The following USH2A variants were observed in gnomAD, a reference collection of about 807,000 sequenced individuals.
USH2A encodes the protein usherin, also known as Usher syndrome 2A (autosomal recessive, mild).
A neutral mutation model predicts 538.9 loss-of-function variants in USH2A; 443 were observed. That is an observed-to-expected ratio of 0.82 (90% CI 0.76 to 0.89). The LOEUF is 0.89. USH2A is among the 40% of genes least tolerant of loss of function. The pLI is 0.00. For synonymous variants in USH2A, 2,413 were observed against 2,273.5 expected, an observed-to-expected ratio of 1.06 and a Z score of -1.75; for missense variants, 6,633 against 6,324.8, an observed-to-expected ratio of 1.05 and a Z score of -1.65.
Position 215,629,002 on chromosome 1 carries a change from T to G in USH2A, c.15331A>C (p.Thr5111Pro). 6.2e-7 allele frequency: 1 copy of G among 1,613,554 alleles called. No homozygotes were observed. The highest frequency in any genetic ancestry group is 8.5e-7 in the Non-Finnish European group (1 of 1,180,032). ...LADTKIPRSGTPVSIRSNRSA... is the reference protein window; with the variant it reads ...LADTKIPRSGPPVSIRSNRSA... The stretch of plus-strand genomic sequence containing the variant: ...CGGTTGCTGCGGATACTCACAGGTG[T>G]CCCAGACCGGGGAATTTTGGTATCG... The change falls in exon 71 of 72, where the codon ACA (threonine) becomes CCA (proline). Residue 5111 changes from threonine (T) to proline (P), a missense_variant. Thr to Pro is a conservative substitution (Grantham distance 38). Transcript: ENST00000307340.
intron 61 of USH2A, among the ~76,000 whole-genome samples, chr1:215,712,975 T>G (rs1028816877): frequency 1.3e-5 from 2 of 151,982 alleles, no homozygotes; most frequent in Non-Finnish European, 2.9e-5. Context: ...CCCGGCTAAT[T>G]TGTGTATTTT....
At position 216,378,363 on chromosome 1, in the gene USH2A, A is replaced by T. The variant is rs1033668107; in HGVS notation, c.652-13278T>A. On this transcript the variant is annotated intron_variant, in intron 3 of 71. Coordinates refer to ENST00000307340, the MANE Select transcript of USH2A (RefSeq NM_206933.4). ...CAGCAATGGACATTTCTAAATTAGC[A>T]TCACTTCCATTCTATGTAAATATAA... 7.2e-5 allele frequency among the ~76,000 whole-genome samples: 11 copies of T among 152,198 alleles called. No homozygotes were observed. In the East Asian group the frequency reaches 2.1e-3, roughly 29 times the overall value.
intron 30 of USH2A, among the ~76,000 whole-genome samples, chr1:216,051,834 G>A (rs560287920): frequency 6.6e-6 from 1 of 152,316 alleles, no homozygotes; most frequent in South Asian, 2.1e-4. Flanking sequence ...CTCTATGATT[G>A]TACAATTTTA....
chr1:216,136,629 T>C (rs142812880), intron 21 of USH2A, among the ~76,000 whole-genome samples: 2 of 152,292 alleles, frequency 1.3e-5, no homozygotes, highest in African/African-American at 4.8e-5. Flanking sequence ...AATATGACCT[T>C]ATTTGGAAAT....
intron 27 of USH2A, among the ~76,000 whole-genome samples, chr1:216,075,718 C>T (rs919001526): frequency 6.6e-5 from 10 of 152,156 alleles, no homozygotes; most frequent in African/African-American, 2.4e-4. Flanking sequence ...TGATTATCCT[C>T]ATTGATCATT....
At chr1:215,827,754 G>T (rs138492598) in intron 47 of USH2A, among the ~76,000 whole-genome samples, 1,927 of 152,134 alleles carry the variant, frequency 0.013, 18 homozygotes, top group Non-Finnish European at 0.02. Flanking sequence ...GTCTACAATT[G>T]CCCATATTGG....
At chr1:215,742,744 A>G (rs73088870) in intron 59 of USH2A, among the ~76,000 whole-genome samples, 3,743 of 152,282 alleles carry the variant, frequency 0.025, 153 homozygotes, top group African/African-American at 0.084. Flanking sequence ...AGGAAGCACT[A>G]TAAAATATAT....
intron 37 of USH2A, among the ~76,000 whole-genome samples, chr1:215,941,048 G>A (rs1321729579): frequency 6.6e-6 from 1 of 151,968 alleles, no homozygotes; most frequent in Non-Finnish European, 1.5e-5. Context: ...GTTGAAGCAT[G>A]TTTTATTTTT....
At chr1:216,185,717 C>A (rs1408322343) in intron 20 of USH2A, among the ~76,000 whole-genome samples, 1 of 151,880 alleles carries the variant, frequency 6.6e-6, no homozygotes, top group Non-Finnish European at 1.5e-5. Context: ...TCTCCTATAG[C>A]AAAATTGTTG....
intron 11 of USH2A, 49 bp downstream of exon 11, chr1:216,289,231 T>C (rs928511522): frequency 2.1e-5 from 34 of 1,612,858 alleles, no homozygotes; most frequent in Non-Finnish European, 2.5e-5. Context: ...CCAAATAAGT[T>C]TCTGGCAGAC....
chr1:216,110,171 A>G (rs1027836021), intron 21 of USH2A, among the ~76,000 whole-genome samples: 1 of 151,980 alleles, frequency 6.6e-6, no homozygotes, highest in Non-Finnish European at 1.5e-5. Context: ...TGATGTTAAA[A>G]ATAACAAAAA....
At position 216,085,057 on chromosome 1, in the gene USH2A, T is replaced by C. The variant is rs533255008; in HGVS notation, c.4988-180A>G. ...CAGCTATAGTAAATGATAGCAATTA[T>C]AATGTTTAGTGCTGGTTCAAACCCA... On this transcript the variant is annotated intron_variant, in intron 24 of 71. Coordinates refer to ENST00000307340, the MANE Select transcript of USH2A (RefSeq NM_206933.4). The C allele has an allele frequency of 2.6e-4, 165 of 639,832 alleles. 3 individuals are homozygous for C. The South Asian group carries it at 3.0e-3, about 12-fold the overall frequency. 39.6% of individuals were successfully genotyped at this position (639,832 alleles called of 1,614,324 possible).
intron 61 of USH2A, among the ~76,000 whole-genome samples, chr1:215,697,777 T>A (rs1658867318): frequency 6.6e-6 from 1 of 152,180 alleles, no homozygotes; most frequent in South Asian, 2.1e-4. Flanking sequence ...CACTTCGGAC[T>A]CCCAAAGTGC....
intron 44 of USH2A, among the ~76,000 whole-genome samples, chr1:215,863,338 A>T (rs1281275097): frequency 6.6e-6 from 1 of 152,200 alleles, no homozygotes; most frequent in African/African-American, 2.4e-5. Flanking sequence ...AAAGTGATGG[A>T]AAAGAGAACA....
chr1:215,960,902 C>A (rs1667181997), intron 37 of USH2A, among the ~76,000 whole-genome samples: 1 of 152,034 alleles, frequency 6.6e-6, no homozygotes, highest in African/African-American at 2.4e-5. Flanking sequence ...TTCTTTCCTG[C>A]CTCATGCACT....
intron 4 of USH2A, among the ~76,000 whole-genome samples, chr1:216,351,488 C>CAAGG (rs1487444917): frequency 3.9e-5 from 6 of 152,084 alleles, no homozygotes; most frequent in Non-Finnish European, 8.8e-5. Context: ...TTGTGTAAAA[C>CAAGG]AAGGAGAACA....
At chr1:216,297,698 C>G (rs1346037469) in intron 9 of USH2A, among the ~76,000 whole-genome samples, 1 of 152,112 alleles carries the variant, frequency 6.6e-6, no homozygotes, top group African/African-American at 2.4e-5. Context: ...GGTCTACGAT[C>G]TGCTTTGGAG....
chr1:216,340,536 C>CAAAAAAAAAAAAAA (rs58985032), intron 4 of USH2A, among the ~76,000 whole-genome samples: 1 of 119,902 alleles, frequency 8.3e-6, no homozygotes, highest in Non-Finnish European at 1.8e-5. Flanking sequence ...AGAGACATGA[C>CAAAAAAAAAAAAAA]AAAAAAAAAA....
intron 32 of USH2A, among the ~76,000 whole-genome samples, chr1:216,015,887 T>C (rs1161964981): frequency 1.3e-5 from 2 of 152,182 alleles, no homozygotes; most frequent in Non-Finnish European, 2.9e-5. Flanking sequence ...TAAAGACACA[T>C]GCATACGTAT....
Sources: gnomAD v4.1 joint callset for allele counts (sites outside exome capture counted in the v4.1 genomes callset) on GRCh38, gnomAD v4.1.1 for gene constraint, MANE v1.5 for transcripts, NCBI Gene and HGNC (gene_info 2026-07-23, HGNC 2026-07-21) for gene names.